Variants in MAGI1 observed in about 807,000 individuals in gnomAD.
MAGI1 encodes the protein membrane associated guanylate kinase, WW and PDZ domain containing 1, also known as membrane-associated guanylate kinase, WW and PDZ domain-containing protein 1.
Under a neutral mutation model 139.9 loss-of-function variants are expected in MAGI1, and 58 were observed. That is an observed-to-expected ratio of 0.41 (90% CI 0.34 to 0.52). The LOEUF is 0.52. MAGI1 is among the 20% of genes least tolerant of loss of function. MAGI1 has a pLI of 0.12. For missense variants in MAGI1, 1,874 were observed against 1,901.6 expected (o/e 0.99, Z 0.27); for synonymous variants, 812 against 737.9 (o/e 1.10, Z -1.63).
chr3:65,862,855 A>C (rs1350729582), intron 1 of MAGI1, among the ~76,000 whole-genome samples: 5 of 152,220 alleles, frequency 3.3e-5, no homozygotes, highest in African/African-American at 1.2e-4. Context: ...TTTCTCACAG[A>C]TTAAGTCACA....
intron 8 of MAGI1, among the ~76,000 whole-genome samples, chr3:65,441,713 T>G (rs1034985530): frequency 6.6e-6 from 1 of 152,288 alleles, no homozygotes; most frequent in Middle Eastern, 3.4e-3. Flanking sequence ...TTTCTGAGGG[T>G]CAGAGGGGCA....
At chr3:65,775,506 A>G (rs1232742948) in intron 1 of MAGI1, among the ~76,000 whole-genome samples, 824 of 54,536 alleles carry the variant, frequency 0.015, 4 homozygotes, top group African/African-American at 0.047. Context: ...CTCTGCCAAA[A>G]AAAAAAAAAA....
intron 1 of MAGI1, among the ~76,000 whole-genome samples, chr3:65,826,267 G>A (rs2042224005): frequency 6.6e-6 from 1 of 152,072 alleles, no homozygotes; most frequent in African/African-American, 2.4e-5. Flanking sequence ...TAACAGGTAG[G>A]AGATCATACT....
chr3:65,494,287 T>A (rs541422459), intron 2 of MAGI1, among the ~76,000 whole-genome samples: 3 of 152,286 alleles, frequency 2.0e-5, no homozygotes, highest in African/African-American at 7.2e-5. Context: ...ATTCTCCCCC[T>A]GCATTAATCT....
At chr3:65,664,195 G>T (rs1245990715) in intron 1 of MAGI1, among the ~76,000 whole-genome samples, 1 of 151,940 alleles carries the variant, frequency 6.6e-6, no homozygotes, top group Non-Finnish European at 1.5e-5. Context: ...TAACAGGTTC[G>T]CCAAGAAATT....
chr3:65,704,265 G>A (rs1184273330), intron 1 of MAGI1, among the ~76,000 whole-genome samples: 1 of 152,140 alleles, frequency 6.6e-6, no homozygotes, highest in Admixed American at 6.5e-5. Flanking sequence ...GTCCTCCTTA[G>A]GAGACACCTC....
chr3:65,821,829 A>G (rs1055866100), intron 1 of MAGI1, among the ~76,000 whole-genome samples: 4 of 152,228 alleles, frequency 2.6e-5, no homozygotes, highest in African/African-American at 9.6e-5. Flanking sequence ...CAGAGGGCAG[A>G]GAGTGAGATG....
At chr3:65,721,888 G>A (rs976953989) in intron 1 of MAGI1, among the ~76,000 whole-genome samples, 13 of 151,544 alleles carry the variant, frequency 8.6e-5, no homozygotes, top group African/African-American at 3.2e-4. Flanking sequence ...AATTCTGGAG[G>A]TCGACTAAGG....
At chr3:65,929,417 T>G (rs927932078) in intron 1 of MAGI1, among the ~76,000 whole-genome samples, 1 of 151,894 alleles carries the variant, frequency 6.6e-6, no homozygotes, top group African/African-American at 2.4e-5. Flanking sequence ...CTCAGCTTAC[T>G]GCAACCTCCA....
At chr3:65,401,389 C>G (rs757203170) in intron 13 of MAGI1, 50 bp downstream of exon 13, 2 of 1,548,748 alleles carry the variant, frequency 1.3e-6, no homozygotes, top group Non-Finnish European at 1.8e-6. Flanking sequence ...TCCAGCCCCC[C>G]ACCATCCACC....
intron 1 of MAGI1, among the ~76,000 whole-genome samples, chr3:66,033,757 G>A (rs1464329455): frequency 6.6e-6 from 1 of 152,128 alleles, no homozygotes; most frequent in Non-Finnish European, 1.5e-5. Flanking sequence ...AAAGTAGAGG[G>A]ATAGTTACAG....
chr3:65,852,502 AT>A (rs1340104660), intron 1 of MAGI1, among the ~76,000 whole-genome samples: 632 of 137,386 alleles, frequency 4.6e-3, no homozygotes, highest in Middle Eastern at 8.0e-3. Flanking sequence ...CTTGACACCA[AT>A]TTTTTTTTTT....
chr3:65,671,442 G>A (rs947403184), intron 1 of MAGI1, among the ~76,000 whole-genome samples: 1 of 152,136 alleles, frequency 6.6e-6, no homozygotes, highest in Non-Finnish European at 1.5e-5. Context: ...AAATGAGCTG[G>A]CCAAATGCCC....
intron 13 of MAGI1, among the ~76,000 whole-genome samples, chr3:65,400,653 C>T (rs1011515214): frequency 6.6e-5 from 10 of 151,402 alleles, no homozygotes; most frequent in South Asian, 4.2e-4. Flanking sequence ...ACCCATACCA[C>T]CAAGCAAAAC....
At chr3:65,711,937 C>A (rs1216232761) in intron 1 of MAGI1, among the ~76,000 whole-genome samples, 1 of 152,132 alleles carries the variant, frequency 6.6e-6, no homozygotes, top group Non-Finnish European at 1.5e-5. Context: ...ATCATATCTC[C>A]TTCAGAACCC....
intron 1 of MAGI1, among the ~76,000 whole-genome samples, chr3:65,929,017 A>G (rs1056992991): frequency 6.6e-6 from 1 of 152,064 alleles, no homozygotes; most frequent in African/African-American, 2.4e-5. Flanking sequence ...CCAGAACCAC[A>G]GAGACTCACA....
At chr3:66,037,931 A>G (rs2107622218) in intron 1 of MAGI1, 65 bp downstream of exon 1, 1 of 1,510,790 alleles carries the variant, frequency 6.6e-7, no homozygotes, top group Non-Finnish European at 8.8e-7. Context: ...AATCGAGAAT[A>G]AGGGGCAGCC....
chr3:66,025,826 T>C (rs1185783048), intron 1 of MAGI1, among the ~76,000 whole-genome samples: 1 of 152,226 alleles, frequency 6.6e-6, no homozygotes, highest in Non-Finnish European at 1.5e-5. Flanking sequence ...ATTTCTGTAT[T>C]GTATACATTG....
At chr3:65,977,121 T>C (rs1260243450) in intron 1 of MAGI1, among the ~76,000 whole-genome samples, 3 of 152,184 alleles carry the variant, frequency 2.0e-5, no homozygotes, top group Non-Finnish European at 4.4e-5. Context: ...GATTGTGATG[T>C]TATAGGTTTT....
Sources: gnomAD v4.1 joint callset for allele counts (sites outside exome capture counted in the v4.1 genomes callset) on GRCh38, gnomAD v4.1.1 for gene constraint, MANE v1.5 for transcripts, NCBI Gene and HGNC (gene_info 2026-07-23, HGNC 2026-07-21) for gene names.